The following RBFOX1 variants were observed in gnomAD, a reference collection of about 807,000 sequenced individuals.
The protein encoded by RBFOX1 is RNA binding protein fox-1 homolog 1.
RBFOX1 carries 8 observed loss-of-function variants against 57.7 expected under a neutral mutation model. The ratio of observed to expected loss-of-function variants is 0.14; its 90% CI spans 0.08 to 0.25. The LOEUF is 0.25. Ranked by LOEUF, RBFOX1 falls within the 10% of genes least tolerant of loss-of-function variation. RBFOX1 has a pLI of 1.00. For synonymous variants in RBFOX1, 326 were observed against 222.4 expected, an observed-to-expected ratio of 1.47 and a Z score of -4.15; for missense variants, 611 against 548.5, an observed-to-expected ratio of 1.11 and a Z score of -1.14.
At chr16:7,511,895 C>T (rs2075196622) in intron 4 of RBFOX1, among the ~76,000 whole-genome samples, 1 of 152,130 alleles carries the variant, frequency 6.6e-6, no homozygotes, top group African/African-American at 2.4e-5. Context: ...TCTTGGCCTT[C>T]TTTCATCCTC....
At chr16:7,701,281 C>T (rs1444144196) in intron 14 of RBFOX1, among the ~76,000 whole-genome samples, 1 of 150,812 alleles carries the variant, frequency 6.6e-6, no homozygotes, top group African/African-American at 2.5e-5. Flanking sequence ...GGGTCCCCAA[C>T]TGGACACACA....
At chr16:6,968,107 T>C (rs1278444618) in intron 3 of RBFOX1, among the ~76,000 whole-genome samples, 1 of 152,094 alleles carries the variant, frequency 6.6e-6, no homozygotes, top group Non-Finnish European at 1.5e-5. Flanking sequence ...GATCTGTGGC[T>C]CTGAACTTGC....
At chr16:7,667,596 C>A (rs1488636737) in intron 13 of RBFOX1, among the ~76,000 whole-genome samples, 1 of 152,152 alleles carries the variant, frequency 6.6e-6, no homozygotes, top group Non-Finnish European at 1.5e-5. Context: ...AAGTAGTACA[C>A]AATAAATAGG....
intron 1 of RBFOX1, among the ~76,000 whole-genome samples, chr16:5,292,637 T>A (rs543289337): frequency 6.6e-6 from 1 of 151,870 alleles, no homozygotes; most frequent in Admixed American, 6.6e-5. Context: ...GGGATTTATT[T>A]ATTTATTTAT....
intron 3 of RBFOX1, among the ~76,000 whole-genome samples, chr16:6,923,693 C>T (rs2074977686): frequency 6.6e-6 from 1 of 152,062 alleles, no homozygotes; most frequent in Non-Finnish European, 1.5e-5. Context: ...CCCTTGACTG[C>T]CATTTTCTAG....
chr16:6,895,098 A>G (rs1027305835), intron 3 of RBFOX1, among the ~76,000 whole-genome samples: 2 of 152,154 alleles, frequency 1.3e-5, no homozygotes, highest in Non-Finnish European at 2.9e-5. Context: ...TTAAAGAAAT[A>G]AAGTCTGGTC....
chr16:7,103,140 T>C (rs1017335379), intron 4 of RBFOX1, among the ~76,000 whole-genome samples: 2 of 152,142 alleles, frequency 1.3e-5, no homozygotes, highest in Non-Finnish European at 2.9e-5. Flanking sequence ...GACCAAAGTA[T>C]TACTGAAAGT....
chr16:6,057,948 T>A (rs1188788381), intron 1 of RBFOX1, among the ~76,000 whole-genome samples: 1 of 145,658 alleles, frequency 6.9e-6, no homozygotes, highest in East Asian at 2.1e-4. Context: ...AGGTCAAAGA[T>A]GAGGGGAAAT....
At chr16:5,242,776 T>G (rs1466617654) in intron 1 of RBFOX1, among the ~76,000 whole-genome samples, 3 of 152,098 alleles carry the variant, frequency 2.0e-5, no homozygotes, top group Non-Finnish European at 4.4e-5. Context: ...TTCTTTCTCA[T>G]CACCAGGCCT....
At chr16:7,120,822 T>TATAC (rs2066958352) in intron 4 of RBFOX1, among the ~76,000 whole-genome samples, 1 of 14,834 alleles carries the variant, frequency 6.7e-5, no homozygotes, top group Non-Finnish European at 1.3e-4. Flanking sequence ...ATTTTATATA[T>TATAC]GTATATATAC....
intron 2 of RBFOX1, among the ~76,000 whole-genome samples, chr16:6,398,027 C>T (rs1202321251): frequency 2.0e-5 from 3 of 152,114 alleles, no homozygotes; most frequent in Admixed American, 6.6e-5. Flanking sequence ...AAACCATAAA[C>T]ATAAGTCCAA....
At chr16:6,088,984 T>C (rs1345752463) in intron 1 of RBFOX1, among the ~76,000 whole-genome samples, 2 of 151,156 alleles carry the variant, frequency 1.3e-5, no homozygotes, top group East Asian at 3.9e-4. Context: ...TAATCCCAGC[T>C]ACTCGAGAGG....
chr16:7,033,740 T>A (rs140272264), intron 3 of RBFOX1, among the ~76,000 whole-genome samples: 177 of 152,254 alleles, frequency 1.2e-3, no homozygotes, highest in African/African-American at 4.1e-3. Flanking sequence ...ATGCCTGTAA[T>A]CCCAGCACTT....
At chr16:5,968,116 C>T (rs909762529) in intron 4 of RBFOX1, among the ~76,000 whole-genome samples, 1 of 152,092 alleles carries the variant, frequency 6.6e-6, no homozygotes, top group African/African-American at 2.4e-5. Flanking sequence ...GCTCTATCAC[C>T]CAGGCTGGAG....
At chr16:6,303,356 G>T (rs2079054612) in intron 1 of RBFOX1, among the ~76,000 whole-genome samples, 1 of 150,764 alleles carries the variant, frequency 6.6e-6, no homozygotes, top group African/African-American at 2.4e-5. Context: ...TTAAAAAATC[G>T]AGGCCTACAG....
chr16:6,847,857 A>C (rs985660277), intron 3 of RBFOX1, among the ~76,000 whole-genome samples: 3 of 151,970 alleles, frequency 2.0e-5, no homozygotes, highest in African/African-American at 7.3e-5. Context: ...GTTGTTGTTG[A>C]AATGGAGTCT....
At chr16:7,242,302 A>G (rs1209600350) in intron 4 of RBFOX1, among the ~76,000 whole-genome samples, 1 of 152,208 alleles carries the variant, frequency 6.6e-6, no homozygotes, top group Non-Finnish European at 1.5e-5. Context: ...ACACATGGAA[A>G]AATAAATAAT....
intron 9 of RBFOX1, among the ~76,000 whole-genome samples, chr16:7,600,014 C>T (rs2094927292): frequency 6.6e-6 from 1 of 152,058 alleles, no homozygotes; most frequent in Admixed American, 6.6e-5. Flanking sequence ...TTCCCTTTGT[C>T]TTCTTGTAGA....
chr16:6,820,752 A>T (rs2091146011), intron 3 of RBFOX1, among the ~76,000 whole-genome samples: 1 of 152,198 alleles, frequency 6.6e-6, no homozygotes, highest in Non-Finnish European at 1.5e-5. Context: ...TATAGGCCTC[A>T]AATCGATGCT....
Sources: allele counts gnomAD v4.1 joint callset (sites outside exome capture counted in the v4.1 genomes callset), GRCh38; gene constraint gnomAD v4.1.1; transcripts MANE v1.5; gene names NCBI Gene and HGNC (gene_info 2026-07-23, HGNC 2026-07-21).